STARD13: variants seen among roughly 807,000 people sequenced by gnomAD.
STARD13 encodes the protein StAR related lipid transfer domain containing 13.
Under a neutral mutation model 106.4 loss-of-function variants are expected in STARD13, and 62 were observed. That is an observed-to-expected ratio of 0.58 (90% CI 0.48 to 0.72). The LOEUF is 0.72. Among genes scored for constraint, STARD13 ranks in the 30% least tolerant of loss-of-function variants. STARD13 has a pLI of 0.00. For synonymous variants in STARD13, 565 were observed against 553.0 expected, an observed-to-expected ratio of 1.02 and a Z score of -0.31; for missense variants, 1,387 against 1,424.0, an observed-to-expected ratio of 0.97 and a Z score of 0.42.
chr13:33,387,569 G>C, the STARD13 span, among the ~76,000 whole-genome samples: 8 of 152,108 alleles, frequency 5.3e-5, no homozygotes, highest in Non-Finnish European at 1.0e-4. Context: ...ACTCCAATAG[G>C]GATGGCATGA....
At chr13:33,285,425 A>G in intron 1 of STARD13, 45 bp downstream of exon 1, 1 of 1,582,246 alleles carries the variant, frequency 6.3e-7, no homozygotes, top group Non-Finnish European at 8.6e-7. Context: ...AATAGAGCCA[A>G]CAGAAATCAG....
At chr13:33,465,498 A>G in the STARD13 span, among the ~76,000 whole-genome samples, 45,764 of 152,072 alleles carry the variant, frequency 0.3, 7,630 homozygotes, top group Non-Finnish European at 0.39. Context: ...CACCGTGCCC[A>G]GCTGGTCTTT....
Position 33,129,240 on chromosome 13 carries a change from T to G in STARD13, c.1437A>C (p.Lys479Asn). 1 of 1,614,204 alleles carries G rather than the reference T, an allele frequency of 6.2e-7. No individual in the cohort carries two copies. Among genetic ancestry groups the G allele is most frequent in the Non-Finnish European group, 8.5e-7 (1 of 1,180,026 alleles). The change falls in exon 5 of 14, where the codon AAA becomes AAC. Residue 479 changes from lysine (K) to asparagine (N), a missense_variant. By Grantham distance (94) the Lys-to-Asn change is moderately conservative. Transcript: ENST00000336934. ...CATCCAAGTGAGGGAAAAGGTCATC[T>G]TTCTCCAAGTCCAAAAGATCTCCTG... is the stretch of plus-strand genomic sequence containing the variant. ...ASTGDLLDLE[K>N]DDLFPHLDDI...
Position 33,130,959 on chromosome 13 carries a change from C to T in STARD13, c.388-670G>A, listed in dbSNP as rs956011514. Among the ~76,000 whole-genome samples the T allele has an allele frequency of 4.6e-5, 7 of 152,206 alleles. No individual in the cohort carries two copies. Among genetic ancestry groups the T allele is most frequent in the African/African-American group, 4.8e-5 (2 of 41,458 alleles). ...GCGTCTTTTTCTGTGGAATCAACTCCGAGTCAGAATGCCGTTGGCAGGACG... is the reference window on the plus strand; with the variant it reads ...GCGTCTTTTTCTGTGGAATCAACTCTGAGTCAGAATGCCGTTGGCAGGACG... On this transcript the variant is annotated intron_variant, in intron 4 of 13. Transcript: ENST00000336934. This position sits in a 1 kb window ranked among gnomAD's most constrained non-coding sequence, Gnocchi z 4.1.
chr13:33,427,879 C>T, the STARD13 span, among the ~76,000 whole-genome samples: 4 of 149,658 alleles, frequency 2.7e-5, no homozygotes, highest in Admixed American at 6.7e-5. Flanking sequence ...CACTTGAACC[C>T]GGGAGGCAGA....
the STARD13 span, among the ~76,000 whole-genome samples, chr13:33,569,262 T>C: frequency 6.8e-6 from 1 of 148,138 alleles, no homozygotes; most frequent in South Asian, 2.2e-4. Flanking sequence ...TACTCATACC[T>C]TGTTGATAAA....
chr13:33,255,972 T>A (rs74045747), intron 1 of STARD13, among the ~76,000 whole-genome samples: 3,753 of 152,278 alleles, frequency 0.025, 157 homozygotes, highest in African/African-American at 0.086. Context: ...AATTTTTATA[T>A]CAAGTATAAA....
chr13:33,466,501 A>G, the STARD13 span, among the ~76,000 whole-genome samples: 4 of 152,216 alleles, frequency 2.6e-5, no homozygotes, highest in East Asian at 1.9e-4. Flanking sequence ...TGATGGACGT[A>G]TAGTTCAGTA....
At chr13:33,327,578 C>A (rs1364000494) in intron 1 of STARD13, among the ~76,000 whole-genome samples, 1 of 152,076 alleles carries the variant, frequency 6.6e-6, no homozygotes, top group Non-Finnish European at 1.5e-5. Flanking sequence ...GCTATGTTGC[C>A]CAGGTTGGTC....
At chr13:33,279,655 G>A (rs1891663623) in intron 1 of STARD13, 1 of 152,208 alleles carries the variant, frequency 6.6e-6, no homozygotes, top group Non-Finnish European at 1.5e-5. Context: ...CCTGGCCAAT[G>A]TGTGAGTTAT....
the STARD13 span, among the ~76,000 whole-genome samples, chr13:33,536,454 C>T: frequency 6.6e-6 from 1 of 152,152 alleles, no homozygotes; most frequent in South Asian, 2.1e-4. Context: ...AATATATTTT[C>T]CCATCATGGG....
At chr13:33,537,830 G>A in the STARD13 span, among the ~76,000 whole-genome samples, 1,240 of 152,196 alleles carry the variant, frequency 8.1e-3, 15 homozygotes, top group African/African-American at 0.028. Flanking sequence ...TGTTTAGCTC[G>A]CCTGGAAACA....
At position 33,105,349 on chromosome 13, in the gene STARD13, G is replaced by T; in HGVS notation, c.*244C>A. 2.2e-6 allele frequency: 1 copy of T among 457,248 alleles called. No individual in the cohort carries two copies. Among genetic ancestry groups the T allele is most frequent in the East Asian group, 3.5e-5 (1 of 28,702 alleles). The allele number at this position is 457,248 out of a possible 1,614,324, so 28.3% of individuals were successfully genotyped here. On this transcript the variant is annotated 3_prime_UTR_variant, in exon 14 of 14. Coordinates refer to ENST00000336934, the MANE Select transcript of STARD13 (RefSeq NM_178006.4). ...CAAGGAATAGTCCATTTAATTTTAA[G>T]TAATATATATAAAGTTCTCATTTTA...
intron 1 of STARD13, among the ~76,000 whole-genome samples, chr13:33,184,788 G>A (rs1885589803): frequency 1.3e-5 from 2 of 152,206 alleles, no homozygotes; most frequent in Non-Finnish European, 2.9e-5. Context: ...CACAGAGCAG[G>A]CACTTAAAAA....
At chr13:33,479,324 T>C in the STARD13 span, among the ~76,000 whole-genome samples, 1 of 152,212 alleles carries the variant, frequency 6.6e-6, no homozygotes, top group Admixed American at 6.5e-5. Flanking sequence ...TTTGATAGTA[T>C]CTGGCAGAGC....
At chr13:33,336,462 G>T (rs750454178) in intron 1 of STARD13, 6 of 152,178 alleles carry the variant, frequency 3.9e-5, no homozygotes, top group Admixed American at 6.5e-5. Flanking sequence ...CTGATTATAA[G>T]CTGCCTGCTG....
chr13:33,375,237 C>T, the STARD13 span, among the ~76,000 whole-genome samples: 9 of 151,982 alleles, frequency 5.9e-5, no homozygotes, highest in Non-Finnish European at 1.2e-4. Flanking sequence ...CCAGATGTGC[C>T]GAAGCCTGAA....
chr13:33,174,296 C>A (rs953313171), intron 1 of STARD13, among the ~76,000 whole-genome samples: 2 of 151,984 alleles, frequency 1.3e-5, no homozygotes, highest in African/African-American at 4.8e-5. Context: ...ACTATATAGT[C>A]ACACACACTT....
At chr13:33,194,467 T>G (rs1422607447) in intron 1 of STARD13, among the ~76,000 whole-genome samples, 2 of 152,224 alleles carry the variant, frequency 1.3e-5, no homozygotes, top group Admixed American at 1.3e-4. Context: ...TAAATGTACA[T>G]TCTTTCATGG....
Sources: gnomAD v4.1 joint callset for allele counts (sites outside exome capture counted in the v4.1 genomes callset) on GRCh38, gnomAD v4.1.1 for gene constraint, Gnocchi (gnomAD v3.1) non-coding constraint, MANE v1.5 for transcripts, NCBI Gene and HGNC (gene_info 2026-07-23, HGNC 2026-07-21) for gene names.